The following SUPT5H variants were observed in gnomAD, a reference collection of about 807,000 sequenced individuals.
The protein encoded by SUPT5H is SPT5 homolog, DSIF elongation factor subunit.
A neutral mutation model predicts 142.5 loss-of-function variants in SUPT5H; 24 were observed. The observed-to-expected ratio is 0.17, with a 90% CI of 0.12 to 0.24. The LOEUF is 0.24. SUPT5H is among the 10% of genes least tolerant of loss of function. SUPT5H has a pLI of 1.00. For missense variants in SUPT5H, 893 were observed against 1,471.8 expected (o/e 0.61, Z 6.43); for synonymous variants, 546 against 553.0 (o/e 0.99, Z 0.18).
intron 2 of SUPT5H, among the ~76,000 whole-genome samples, chr19:39,451,274 T>G (rs2079018914): frequency 6.7e-6 from 1 of 149,130 alleles, no homozygotes; most frequent in African/African-American, 2.5e-5. Context: ...CTGCAACCTG[T>G]GCCTCCCAGG....
Position 39,466,357 on chromosome 19 carries a change from G to A in SUPT5H, c.877-123G>A. On this transcript the variant is annotated intron_variant, in intron 11 of 29. Transcript: ENST00000432763. The surrounding 1 kb of genome is among the most constrained non-coding windows in gnomAD (Gnocchi z 4.3). ...AGCGTGGGACTTTTGGGAGTGGTCA[G>A]CAGCCTGGTTTCTTCCCCACCATCC... is the stretch of plus-strand genomic sequence containing the variant. 2 of 890,766 alleles carry A rather than the reference G, an allele frequency of 2.2e-6. No individual in the cohort carries two copies. The highest frequency in any genetic ancestry group is 3.3e-4 in the Middle Eastern group (1 of 3,058). 55.2% of individuals were successfully genotyped at this position (890,766 alleles called of 1,614,324 possible). A position where few individuals can be genotyped will look rare whatever the true frequency, so the allele number is the denominator to read the frequency against.
At chr19:39,460,596 G>T (rs1342358667) in intron 10 of SUPT5H, among the ~76,000 whole-genome samples, 1 of 152,106 alleles carries the variant, frequency 6.6e-6, no homozygotes, top group Non-Finnish European at 1.5e-5. Context: ...AACTCAGCTG[G>T]GCGTGGTGGT....
At position 39,473,341 on chromosome 19, in the gene SUPT5H, G is replaced by T. The variant is rs753296266; in HGVS notation, c.2386+11G>T. On this transcript the variant is annotated intron_variant, in intron 24 of 29. Coordinates refer to ENST00000432763, the MANE Select transcript of SUPT5H (RefSeq NM_001111020.3). This position sits in a 1 kb window ranked among gnomAD's most constrained non-coding sequence, Gnocchi z 5.8. ...CACCCCTCCAGGATGGTGAGTGCCC[G>T]CAGGGGACAGGGAAGAGGGGCTAGG... 6.2e-6 allele frequency: 10 copies of T among 1,613,480 alleles called. No individual in the cohort carries two copies. Among genetic ancestry groups the T allele is most frequent in the Non-Finnish European group, 6.8e-6 (8 of 1,179,916 alleles).
chr19:39,459,269 G>T lies in SUPT5H; in HGVS notation c.524+20G>T, dbSNP rs562923227. On this transcript the variant is annotated intron_variant, in intron 8 of 29. Transcript: ENST00000432763. ...AGTCAAGTAAGGGGGTTGGGATGGT[G>T]GGGGCCGTGCTGGGGTGCGAATCTT... 1.7e-5 allele frequency: 27 copies of T among 1,556,120 alleles called. No individual in the cohort carries two copies. In the South Asian group the frequency reaches 3.2e-4, roughly 18 times the overall value.
rs1568430463 is a variant in SUPT5H, at chr19:39,469,417, C to T, written c.1374+19C>T. 2.0e-5 allele frequency: 32 copies of T among 1,613,988 alleles called. No homozygotes were observed. The highest frequency in any genetic ancestry group is 4.0e-5 in the African/African-American group (3 of 74,944). On this transcript the variant is annotated intron_variant, in intron 16 of 29. Coordinates refer to ENST00000432763, the MANE Select transcript of SUPT5H (RefSeq NM_001111020.3). This position sits in a 1 kb window ranked among gnomAD's most constrained non-coding sequence, Gnocchi z 5.1. ...CCTCAAGGTGGGTGCCCGGTGTTCTCGGGCAGGGGTTGGAGTGTTCAGGCA... is the reference window on the plus strand; with the variant it reads ...CCTCAAGGTGGGTGCCCGGTGTTCTTGGGCAGGGGTTGGAGTGTTCAGGCA...
rs2079367071 is a variant in SUPT5H at position 39,474,121 on chromosome 19, T to C, written c.2651T>C (p.Met884Thr). Residue 884 changes from methionine to threonine, a missense_variant and splice_region_variant, in exon 26 of 30, where the codon ATG becomes ACG. This residue lies in a region of SUPT5H where 336 missense variants were observed against 546.5 expected (regional missense o/e 0.61). Transcript: ENST00000432763. The surrounding 1 kb of genome is among the most constrained non-coding windows in gnomAD (Gnocchi z 6.5). ...YNPQTPGTPA[M>T]YNTDQFSPYA... ...CCGCAGACGCCAGGGACGCCGGCCA[T>C]GTGAGTCCACTGGGGCCTGCCCTCG... is the stretch of plus-strand genomic sequence containing the variant. 5 of 1,600,590 alleles carry C rather than the reference T, an allele frequency of 3.1e-6. No individual in the cohort carries two copies. The highest frequency in any genetic ancestry group is 1.7e-5 in the Admixed American group (1 of 59,112).
At position 39,463,686 on chromosome 19, in the gene SUPT5H, G is replaced by A. The variant is rs2079195514; in HGVS notation, c.625-1112G>A. On this transcript the variant is annotated intron_variant, in intron 10 of 29. Coordinates refer to ENST00000432763, the MANE Select transcript of SUPT5H (RefSeq NM_001111020.3). ...TTAGGTTTAGGTGGCTTACAGTGTT[G>A]CTCAAGTGTTCTCTTTCCTTGTTGA... Among the ~76,000 whole-genome samples the A allele has an allele frequency of 2.0e-5, 3 of 152,176 alleles. No homozygotes were observed. The South Asian group carries it at 6.2e-4, about 31-fold the overall frequency.
Position 39,474,678 on chromosome 19 carries a change from C to G in SUPT5H, c.2984C>G (p.Thr995Arg). The stretch of plus-strand genomic sequence containing the variant: ...AAGGTGCGGGACACCTACCTGGATA[C>G]ACAGGTGGTGGGACAGACAGGTGTC... ...QVKVRDTYLDTQVVGQTGVIR... is the reference protein window; with the variant it reads ...QVKVRDTYLDRQVVGQTGVIR... Residue 995 changes from threonine to arginine, a missense_variant, in exon 28 of 30, where the codon ACA becomes AGA. By Grantham distance (71) the Thr-to-Arg change is moderately conservative. Coordinates refer to ENST00000432763, the MANE Select transcript of SUPT5H (RefSeq NM_001111020.3). The surrounding 1 kb of genome is among the most constrained non-coding windows in gnomAD (Gnocchi z 6.5). The G allele has an allele frequency of 6.2e-7, 1 of 1,613,912 alleles. No individual in the cohort carries two copies. The highest frequency in any genetic ancestry group is 8.5e-7 in the Non-Finnish European group (1 of 1,179,934).
chr19:39,453,602 G>A (rs558992542), intron 3 of SUPT5H, 81 bp downstream of exon 3: 57 of 1,413,274 alleles, frequency 4.0e-5, no homozygotes, highest in African/African-American at 1.3e-4. Context: ...TTTTTGAGGC[G>A]GAGTCTCGCT....
Position 39,470,663 on chromosome 19 carries a change from A to C in SUPT5H, c.1677+140A>C. 1 of 978,370 alleles carries C rather than the reference A, an allele frequency of 1.0e-6. No individual in the cohort carries two copies. Among genetic ancestry groups the C allele is most frequent in the Non-Finnish European group, 1.5e-6 (1 of 687,178 alleles). 60.6% of individuals were successfully genotyped at this position (978,370 alleles called of 1,614,324 possible). A position where few individuals can be genotyped will look rare whatever the true frequency, so the allele number is the denominator to read the frequency against. Reference sequence around the variant, plus strand: ...TCTGTCACTTACATCTGAATGGCTGATAGTGGGCACATGGCAAGTCATTGA... The same window carrying C: ...TCTGTCACTTACATCTGAATGGCTGCTAGTGGGCACATGGCAAGTCATTGA... On this transcript the variant is annotated intron_variant, in intron 18 of 29. Coordinates refer to ENST00000432763, the MANE Select transcript of SUPT5H (RefSeq NM_001111020.3). This position sits in a 1 kb window ranked among gnomAD's most constrained non-coding sequence, Gnocchi z 5.8.
chr19:39,473,790 C>T lies in SUPT5H; in HGVS notation c.2493-173C>T, dbSNP rs746067531. ...AGTGACCTTGGGAGGGCACCCTCAT[C>T]TCTGTCAACCACAGTGTCAGCTGTG... On this transcript the variant is annotated intron_variant, in intron 25 of 29. Coordinates refer to ENST00000432763, the MANE Select transcript of SUPT5H (RefSeq NM_001111020.3). This position sits in a 1 kb window ranked among gnomAD's most constrained non-coding sequence, Gnocchi z 5.8. Among the ~76,000 whole-genome samples, 2 of 152,178 alleles carry T rather than the reference C, an allele frequency of 1.3e-5. No homozygotes were observed. Among genetic ancestry groups the T allele is most frequent in the Non-Finnish European group, 2.9e-5 (2 of 68,032 alleles).
chr19:39,460,053 T>A, intron 10 of SUPT5H, 93 bp downstream of exon 10: 2 of 1,344,390 alleles, frequency 1.5e-6, no homozygotes, highest in Non-Finnish European at 2.1e-6. Context: ...GTGCCTCTGT[T>A]GTGAGCAGAG....
intron 1 of SUPT5H, 58 bp from the exon 2 acceptor site, chr19:39,445,746 C>A: frequency 1.1e-6 from 1 of 917,722 alleles, no homozygotes; most frequent in South Asian, 1.5e-5. Context: ...CCTCACTCCG[C>A]TTCGCGATTG....
Position 39,458,249 on chromosome 19 carries a change from ACC to A in SUPT5H, c.308-44_308-43del. 1.3e-6 allele frequency: 1 copy of A among 771,754 alleles called. No individual in the cohort carries two copies. The highest frequency in any genetic ancestry group is 2.0e-6 in the Non-Finnish European group (1 of 488,868). 47.8% of individuals were successfully genotyped at this position (771,754 alleles called of 1,614,324 possible). ...GCCCTCGCCCACCACCACCACCACC[ACC>A]ACCACCACCACCACCACCACCACCT... On this transcript the variant is annotated intron_variant, in intron 4 of 29. Transcript: ENST00000432763. This position sits in a 1 kb window ranked among gnomAD's most constrained non-coding sequence, Gnocchi z 4.2.
chr19:39,460,870 C>CA (rs2079152047), intron 10 of SUPT5H, among the ~76,000 whole-genome samples: 1 of 152,164 alleles, frequency 6.6e-6, no homozygotes, highest in South Asian at 2.1e-4. Context: ...TCTCAGTTAA[C>CA]ATGATCCCTG....
rs371750041 is a variant in SUPT5H, at chr19:39,468,792, C to T, written c.1074C>T (p.Phe358=). The change falls in exon 14 of 30, where the codon TTC becomes TTT. Residue 358 remains phenylalanine (F), a synonymous_variant. Transcript: ENST00000432763. ...LGGDVASDGD[F]LIFEGNRYSR... Reference sequence around the variant, plus strand: ...GTGATGTTGCCTCTGATGGTGACTTCCTCATCTTTGAGGGGAACCGTTACA... The same window carrying T: ...GTGATGTTGCCTCTGATGGTGACTTTCTCATCTTTGAGGGGAACCGTTACA... 341 of 1,614,042 alleles carry T rather than the reference C, an allele frequency of 2.1e-4. No homozygotes were observed. Among genetic ancestry groups the T allele is most frequent in the Non-Finnish European group, 2.8e-4 (329 of 1,180,026 alleles).
rs754775344 is a variant in SUPT5H, at chr19:39,470,555, G to A, written c.1677+32G>A. 2 of 1,484,318 alleles carry A rather than the reference G, an allele frequency of 1.3e-6. No individual in the cohort carries two copies. Among genetic ancestry groups the A allele is most frequent in the East Asian group, 5.1e-5 (2 of 39,568 alleles). 91.9% of individuals were successfully genotyped at this position (1,484,318 alleles called of 1,614,324 possible). A position where few individuals can be genotyped will look rare whatever the true frequency, so the allele number is the denominator to read the frequency against. ...GTGTTGTGCTCTGTGGCGGGGACTT[G>A]CTTTTAGGAGGCTTCCTGTCCCTCA... On this transcript the variant is annotated intron_variant, in intron 18 of 29. Transcript: ENST00000432763. The surrounding 1 kb of genome is among the most constrained non-coding windows in gnomAD (Gnocchi z 5.8).
chr19:39,450,256 G>A (rs540924155), intron 2 of SUPT5H, among the ~76,000 whole-genome samples: 39 of 151,894 alleles, frequency 2.6e-4, no homozygotes, highest in African/African-American at 8.5e-4. Flanking sequence ...GAATATTTTC[G>A]TTGAAGTGTG....
Position 39,472,460 on chromosome 19 carries a change from C to G in SUPT5H, c.2002C>G (p.Arg668Gly). ...GGGTGGCTTTGCGCCTATGAGTCCC[C>G]GGATCAGCAGCCCCATGCACCCCAG... ...TVGGFAPMSP[R>G]ISSPMHPSAG... Residue 668 changes from arginine (R) to glycine (G), a missense_variant, in exon 21 of 30, where the codon CGG becomes GGG. Physicochemically the swap from Arg to Gly is moderately radical, Grantham distance 125 (BLOSUM62 -2). Coordinates refer to ENST00000432763, the MANE Select transcript of SUPT5H (RefSeq NM_001111020.3). This position sits in a 1 kb window ranked among gnomAD's most constrained non-coding sequence, Gnocchi z 4.2. 6.2e-7 allele frequency: 1 copy of G among 1,614,048 alleles called. No homozygotes were observed. Among genetic ancestry groups the G allele is most frequent in the Non-Finnish European group, 8.5e-7 (1 of 1,179,990 alleles).
Sources: gnomAD v4.1 joint callset for allele counts (sites outside exome capture counted in the v4.1 genomes callset) on GRCh38, gnomAD v4.1.1 for gene constraint, gnomAD v4.1.1 regional missense constraint, Gnocchi (gnomAD v3.1) non-coding constraint, MANE v1.5 for transcripts, NCBI Gene and HGNC (gene_info 2026-07-23, HGNC 2026-07-21) for gene names.